ZNF326: variants seen among roughly 807,000 people sequenced by gnomAD.
The protein encoded by ZNF326 is zinc finger protein 326.
In ZNF326, 30 loss-of-function variants were observed where a neutral mutation model predicts 63.1. That is an observed-to-expected ratio of 0.48 (90% CI 0.36 to 0.64). ZNF326 has a LOEUF of 0.64. Among genes scored for constraint, ZNF326 ranks in the 30% least tolerant of loss-of-function variants. The pLI, the probability that ZNF326 is intolerant of heterozygous loss-of-function variation, is 0.00. For synonymous variants in ZNF326, 194 were observed against 228.2 expected (o/e 0.85, Z 1.35); for missense variants, 609 against 720.3 (o/e 0.85, Z 1.77).
At chr1:90,012,391 G>T (rs559218776) in intron 6 of ZNF326, among the ~76,000 whole-genome samples, 3 of 152,246 alleles carry the variant, frequency 2.0e-5, no homozygotes, top group African/African-American at 7.2e-5. Flanking sequence ...GAAATACTTA[G>T]AATAGGCAAA....
At chr1:90,022,904 C>T (rs2703990) in intron 11 of ZNF326, among the ~76,000 whole-genome samples, 88,879 of 152,028 alleles carry the variant, frequency 0.58, 26,466 homozygotes, top group East Asian at 0.9. Context: ...TTCCTTTTCC[C>T]TGCATAAAAG....
At chr1:89,998,465 T>A (rs1648511370) in intron 2 of ZNF326, among the ~76,000 whole-genome samples, 1 of 152,208 alleles carries the variant, frequency 6.6e-6, no homozygotes, top group South Asian at 2.1e-4. Flanking sequence ...TTTGGTTGAA[T>A]TAGAGGCTTT....
rs1319219634 is a variant in ZNF326 at position 90,032,465 on chromosome 1, T to C, written c.*4764T>C. ...AAATGGCATGCTTGATTCAAGTCAT[T>C]AAATTCTAAAGTTCTATTAAAATTG... is the stretch of plus-strand genomic sequence containing the variant. On this transcript the variant is annotated 3_prime_UTR_variant, in exon 12 of 12. Coordinates refer to ENST00000340281, the MANE Select transcript of ZNF326 (RefSeq NM_182976.4). The C allele has an allele frequency of 3.9e-5, 6 of 152,174 alleles. No homozygotes were observed. Among genetic ancestry groups the C allele is most frequent in the Admixed American group, 2.0e-4 (3 of 15,270 alleles). 9.4% of individuals were successfully genotyped at this position (152,174 alleles called of 1,614,324 possible).
chr1:90,000,861 G>T (rs1648641101), intron 2 of ZNF326, among the ~76,000 whole-genome samples: 1 of 152,094 alleles, frequency 6.6e-6, no homozygotes, highest in African/African-American at 2.4e-5. Flanking sequence ...AGTAAACAGT[G>T]CAGGTTCAGG....
intron 7 of ZNF326, among the ~76,000 whole-genome samples, chr1:90,013,614 A>G (rs1476469786): frequency 6.6e-6 from 1 of 152,244 alleles, no homozygotes. Flanking sequence ...AGAAGAGTAA[A>G]TGAGTAGGTA....
rs1200348958 is a variant in ZNF326, at chr1:90,031,541, C to T, written c.*3840C>T. The T allele has an allele frequency of 6.6e-6, 1 of 150,464 alleles. No homozygotes were observed. The allele number at this position is 150,464 out of a possible 1,614,324, so 9.3% of individuals were successfully genotyped here. ...CATTTTTTAATGTACCATTTAGTGG[C>T]ATTAATTACAAGCAACCTTTTTTTT... On this transcript the variant is annotated 3_prime_UTR_variant, in exon 12 of 12. Coordinates refer to ENST00000340281, the MANE Select transcript of ZNF326 (RefSeq NM_182976.4).
intron 5 of ZNF326, among the ~76,000 whole-genome samples, chr1:90,009,651 A>G (rs777723408): frequency 2.0e-5 from 3 of 152,150 alleles, no homozygotes; most frequent in East Asian, 1.9e-4. Flanking sequence ...TTTTACTTCA[A>G]ACTACAAATA....
At chr1:90,015,213 C>T (rs2154326) in intron 7 of ZNF326, among the ~76,000 whole-genome samples, 7,287 of 152,194 alleles carry the variant, frequency 0.048, 305 homozygotes, top group African/African-American at 0.11. Flanking sequence ...TAGGTTCCTT[C>T]CCTTGGATAT....
At chr1:90,012,073 A>T (rs1422710181) in intron 6 of ZNF326, among the ~76,000 whole-genome samples, 1 of 152,142 alleles carries the variant, frequency 6.6e-6, no homozygotes, top group Non-Finnish European at 1.5e-5. Context: ...GCCTCAAGTG[A>T]TCCATCCGCC....
In ZNF326 at chr1:90,007,662, G is replaced by A; in HGVS notation, c.527G>A (p.Gly176Glu). Residue 176 changes from glycine to glutamate, a missense_variant, in exon 5 of 12, where the codon GGA becomes GAA. This residue lies in a region of ZNF326 where 113 missense variants were observed against 187.4 expected (regional missense o/e 0.60). Coordinates refer to ENST00000340281, the MANE Select transcript of ZNF326 (RefSeq NM_182976.4). This position sits in a 1 kb window ranked among gnomAD's most constrained non-coding sequence, Gnocchi z 4.9. ...KPAPVGSRGR[G>E]TPAYPESTFG... ...GCACCTGTAGGCTCTCGGGGGAGAG[G>A]AACGCCTGCTTATCCTGAAAGTACG... 2.6e-6 allele frequency: 4 copies of A among 1,529,358 alleles called. No homozygotes were observed. Among genetic ancestry groups the A allele is most frequent in the Non-Finnish European group, 3.5e-6 (4 of 1,139,924 alleles). 94.7% of individuals were successfully genotyped at this position (1,529,358 alleles called of 1,614,324 possible).
intron 7 of ZNF326, among the ~76,000 whole-genome samples, chr1:90,015,934 T>C (rs1423722139): frequency 6.6e-6 from 1 of 152,136 alleles, no homozygotes; most frequent in Admixed American, 6.5e-5. Context: ...AGAAATGCTG[T>C]GCCAGATAAT....
chr1:90,011,406 GGAA>G (rs1325344689), intron 6 of ZNF326, among the ~76,000 whole-genome samples: 1 of 151,614 alleles, frequency 6.6e-6, no homozygotes, highest in Non-Finnish European at 1.5e-5. Flanking sequence ...GCATATGAAA[GGAA>G]GATTAAATTA....
At chr1:90,023,777 G>A (rs940073511) in intron 11 of ZNF326, among the ~76,000 whole-genome samples, 4 of 152,246 alleles carry the variant, frequency 2.6e-5, no homozygotes, top group South Asian at 2.1e-4. Context: ...TTACACAATC[G>A]AGTCACTTCA....
chr1:90,019,506 G>A (rs940890554), intron 9 of ZNF326, among the ~76,000 whole-genome samples: 2 of 151,900 alleles, frequency 1.3e-5, no homozygotes, highest in African/African-American at 4.8e-5. Context: ...TTCTTCCTTT[G>A]TTTCTGTGGC....
chr1:90,015,808 T>C (rs1416357897), intron 7 of ZNF326, among the ~76,000 whole-genome samples: 1 of 152,192 alleles, frequency 6.6e-6, no homozygotes, highest in Non-Finnish European at 1.5e-5. Flanking sequence ...GTAGAGGCCA[T>C]GGCTTGCCAT....
intron 11 of ZNF326, among the ~76,000 whole-genome samples, chr1:90,025,966 C>T (rs1290207555): frequency 6.7e-6 from 1 of 150,188 alleles, no homozygotes; most frequent in Non-Finnish European, 1.5e-5. Context: ...AGTGTTCCTT[C>T]ACTTTTTTTT....
At position 90,010,179 on chromosome 1, in the gene ZNF326, G is replaced by A; in HGVS notation, c.707G>A (p.Gly236Glu). 6.2e-7 allele frequency: 1 copy of A among 1,613,836 alleles called. No individual in the cohort carries two copies. Among genetic ancestry groups the A allele is most frequent in the South Asian group, 1.1e-5 (1 of 91,068 alleles). ...AATGTGACAGTTGCTGCTGCAAGAG[G>A]AATAAAGAGAAAAATGATGCAGCCA... is the stretch of plus-strand genomic sequence containing the variant. ...STNVTVAAAR[G>E]IKRKMMQPFN... Residue 236 changes from glycine to glutamate, a missense_variant, in exon 6 of 12, where the codon GGA becomes GAA. Around this residue, in one of 3 missense-constraint regions of ZNF326, gnomAD observed 399 missense variants for 444.3 expected, o/e 0.90. Coordinates refer to ENST00000340281, the MANE Select transcript of ZNF326 (RefSeq NM_182976.4).
Position 89,995,218 on chromosome 1 carries a change from A to C in ZNF326, c.-40A>C. ...GGACGCTCGCCGCCGGCCATAGCTC[A>C]GCCTAGCGCCGCCAAGGCCGACGGC... On this transcript the variant is annotated 5_prime_UTR_variant, in exon 1 of 12. Transcript: ENST00000340281. 6.5e-7 allele frequency: 1 copy of C among 1,537,394 alleles called. No individual in the cohort carries two copies. Among genetic ancestry groups the C allele is most frequent in the East Asian group, 2.6e-5 (1 of 39,026 alleles).
chr1:90,020,578 T>C lies in ZNF326; in HGVS notation c.1175-214T>C, dbSNP rs530781555. On this transcript the variant is annotated intron_variant, in intron 9 of 11. Transcript: ENST00000340281. ...TGTTTAACATGATTAGGAACTATAA[T>C]GTAATTGTACCTTAATAATTTTAGT... Among the ~76,000 whole-genome samples, 14 of 152,236 alleles carry C rather than the reference T, an allele frequency of 9.2e-5. No homozygotes were observed. In the South Asian group the frequency reaches 1.2e-3, roughly 14 times the overall value.
Sources: gnomAD v4.1 joint callset for allele counts (sites outside exome capture counted in the v4.1 genomes callset) on GRCh38, gnomAD v4.1.1 for gene constraint, gnomAD v4.1.1 regional missense constraint, Gnocchi (gnomAD v3.1) non-coding constraint, MANE v1.5 for transcripts, NCBI Gene and HGNC (gene_info 2026-07-23, HGNC 2026-07-21) for gene names.